Variants in DLG2 observed in about 807,000 individuals in gnomAD.
The protein encoded by DLG2 is disks large homolog 2.
DLG2 carries 45 observed loss-of-function variants against 132.5 expected under a neutral mutation model. That is an observed-to-expected ratio of 0.34 (90% CI 0.27 to 0.44). The LOEUF (loss-of-function observed/expected upper bound fraction) is 0.44, where lower values mean the gene tolerates loss of function less well. DLG2 is among the 20% of genes least tolerant of loss of function. DLG2 has a pLI of 1.00. For synonymous variants in DLG2, 424 were observed against 419.6 expected, an observed-to-expected ratio of 1.01 and a Z score of -0.13; for missense variants, 1,045 against 1,196.9, an observed-to-expected ratio of 0.87 and a Z score of 1.87.
At chr11:85,603,495 C>T (rs1436497903) in intron 2 of DLG2, among the ~76,000 whole-genome samples, 8 of 151,856 alleles carry the variant, frequency 5.3e-5, no homozygotes, top group Non-Finnish European at 1.2e-4. Flanking sequence ...TTCGGGAAAC[C>T]TACAAGTGCT....
intron 6 of DLG2, among the ~76,000 whole-genome samples, chr11:85,000,716 G>A (rs943508904): frequency 2.0e-5 from 3 of 152,048 alleles, no homozygotes; most frequent in Admixed American, 6.6e-5. Flanking sequence ...TTTCTTTTAC[G>A]TATTTCATCA....
At chr11:83,550,695 A>T (rs2096369285) in intron 19 of DLG2, among the ~76,000 whole-genome samples, 1 of 152,206 alleles carries the variant, frequency 6.6e-6, no homozygotes, top group African/African-American at 2.4e-5. Flanking sequence ...AATGTGGGTA[A>T]GAGGAAGACT....
intron 6 of DLG2, among the ~76,000 whole-genome samples, chr11:84,630,803 T>C (rs549674093): frequency 6.6e-6 from 1 of 152,270 alleles, no homozygotes; most frequent in Admixed American, 6.5e-5. Context: ...AAGAAAGCTC[T>C]GGAACTCTAG....
intron 7 of DLG2, among the ~76,000 whole-genome samples, chr11:84,433,788 G>A (rs1195037443): frequency 1.3e-5 from 2 of 152,092 alleles, no homozygotes; most frequent in African/African-American, 4.8e-5. Flanking sequence ...CAACGTTAAG[G>A]TTAAAATGAT....
chr11:84,943,907 G>A (rs2049830824), intron 6 of DLG2, among the ~76,000 whole-genome samples: 1 of 151,908 alleles, frequency 6.6e-6, no homozygotes, highest in Admixed American at 6.6e-5. Context: ...ACTCTCTTTA[G>A]CATTTCTTAG....
At chr11:84,410,097 C>T (rs540204757) in intron 7 of DLG2, among the ~76,000 whole-genome samples, 2 of 152,258 alleles carry the variant, frequency 1.3e-5, no homozygotes, top group South Asian at 4.2e-4. Flanking sequence ...CTGACTGAAC[C>T]CTGATGGCTG....
intron 7 of DLG2, among the ~76,000 whole-genome samples, chr11:84,400,817 A>AT (rs931399431): frequency 2.0e-5 from 3 of 151,940 alleles, no homozygotes; most frequent in Admixed American, 6.5e-5. Flanking sequence ...ATAGTTGTGT[A>AT]TTTTTTTCTA....
chr11:83,494,549 ATTTC>A (rs2138518565), intron 21 of DLG2, among the ~76,000 whole-genome samples: 1 of 147,064 alleles, frequency 6.8e-6, no homozygotes, highest in Admixed American at 6.8e-5. Flanking sequence ...TGAACTGCCT[ATTTC>A]TTTTTTTTTT....
At chr11:85,373,803 A>G (rs1420467849) in intron 3 of DLG2, among the ~76,000 whole-genome samples, 1 of 152,194 alleles carries the variant, frequency 6.6e-6, no homozygotes, top group Non-Finnish European at 1.5e-5. Context: ...GGCAGACAAG[A>G]ACCACGTCTT....
chr11:84,747,159 G>A (rs1432501864), intron 6 of DLG2, among the ~76,000 whole-genome samples: 2 of 152,192 alleles, frequency 1.3e-5, no homozygotes, highest in African/African-American at 2.4e-5. Context: ...CTGTGAGGAA[G>A]AAGGGAGGGG....
At chr11:84,520,620 T>G (rs2099294648) in intron 7 of DLG2, among the ~76,000 whole-genome samples, 1 of 152,108 alleles carries the variant, frequency 6.6e-6, no homozygotes, top group Non-Finnish European at 1.5e-5. Flanking sequence ...GCCCAGCTCC[T>G]TTTTCTTTAT....
intron 19 of DLG2, among the ~76,000 whole-genome samples, chr11:83,583,504 T>A (rs2097020816): frequency 6.6e-6 from 1 of 152,226 alleles, no homozygotes. Context: ...CTGGTATTAA[T>A]TCTTCAACTG....
At chr11:84,385,244 TA>T (rs961026413) in intron 7 of DLG2, among the ~76,000 whole-genome samples, 2 of 151,846 alleles carry the variant, frequency 1.3e-5, no homozygotes, top group African/African-American at 2.4e-5. Context: ...TAAAGAGTTT[TA>T]AAAAAAATCA....
intron 6 of DLG2, among the ~76,000 whole-genome samples, chr11:84,796,479 T>C (rs1224697869): frequency 6.6e-6 from 1 of 152,198 alleles, no homozygotes; most frequent in African/African-American, 2.4e-5. Flanking sequence ...GTGCTTACTA[T>C]TACCAGTGAG....
At chr11:84,269,088 A>G (rs769298) in intron 7 of DLG2, among the ~76,000 whole-genome samples, 3 of 152,302 alleles carry the variant, frequency 2.0e-5, no homozygotes, top group South Asian at 2.1e-4. Context: ...CTGTGTATGT[A>G]TACATGTAAT....
intron 4 of DLG2, among the ~76,000 whole-genome samples, chr11:85,185,905 T>A (rs1449723252): frequency 6.6e-6 from 1 of 152,048 alleles, no homozygotes; most frequent in Admixed American, 6.6e-5. Context: ...ATTTCATAGG[T>A]AAGGGAAAAC....
intron 5 of DLG2, chr11:85,133,150 C>T (rs1210194394): frequency 5.5e-6 from 1 of 183,320 alleles, no homozygotes; most frequent in African/African-American, 2.3e-5. Flanking sequence ...CACCAAGCAC[C>T]AGGGAATCAC....
intron 6 of DLG2, among the ~76,000 whole-genome samples, chr11:84,751,600 A>G (rs2066121653): frequency 1.3e-5 from 2 of 152,174 alleles, no homozygotes; most frequent in South Asian, 4.1e-4. Context: ...GCAGCATAGC[A>G]AAAATCGGCT....
chr11:84,759,885 T>C (rs78218809), intron 6 of DLG2, among the ~76,000 whole-genome samples: 3,839 of 152,158 alleles, frequency 0.025, 143 homozygotes, highest in African/African-American at 0.077. Context: ...CTTTCCAAAA[T>C]TGTCTTGTAG....
Sources: allele counts gnomAD v4.1 joint callset (sites outside exome capture counted in the v4.1 genomes callset), GRCh38; gene constraint gnomAD v4.1.1; transcripts MANE v1.5; gene names NCBI Gene and HGNC (gene_info 2026-07-23, HGNC 2026-07-21).